Variants in ACAP2 observed in about 807,000 individuals in gnomAD.
ACAP2 encodes arf-GAP with coiled-coil, ANK repeat and PH domain-containing protein 2.
In ACAP2, 39 loss-of-function variants were observed where a neutral mutation model predicts 115.8. The ratio of observed to expected loss-of-function variants is 0.34; its 90% confidence interval spans 0.26 to 0.44. The LOEUF is 0.44. Among genes scored for constraint, ACAP2 ranks in the 20% least tolerant of loss-of-function variants. The pLI is 1.00. For missense variants in ACAP2, 662 were observed against 927.6 expected (o/e 0.71, Z 3.72); for synonymous variants, 289 against 315.8 (o/e 0.92, Z 0.90).
chr3:195,380,977 G>A (rs778758289), intron 4 of ACAP2, 32 bp downstream of exon 4: 1 of 1,535,860 alleles, frequency 6.5e-7, no homozygotes, highest in Admixed American at 2.1e-5. Context: ...ATGTTAATAT[G>A]GTCATAGTAA....
chr3:195,297,631 T>C (rs1727742715), intron 15 of ACAP2, among the ~76,000 whole-genome samples: 1 of 152,230 alleles, frequency 6.6e-6, no homozygotes, highest in African/African-American at 2.4e-5. Context: ...CAAAGCATTA[T>C]CTACACAGTA....
chr3:195,353,233 T>C (rs1036873302), intron 4 of ACAP2, among the ~76,000 whole-genome samples: 2 of 152,088 alleles, frequency 1.3e-5, no homozygotes, highest in East Asian at 3.9e-4. Context: ...ACTGAGGCAA[T>C]CTCATGAAAT....
intron 1 of ACAP2, among the ~76,000 whole-genome samples, chr3:195,433,474 T>C (rs1715296060): frequency 6.6e-6 from 1 of 152,196 alleles, no homozygotes; most frequent in Non-Finnish European, 1.5e-5. Flanking sequence ...TCTGGCTCTA[T>C]CCTCTGCTAC....
At chr3:195,358,419 A>G (rs1732131966) in intron 4 of ACAP2, among the ~76,000 whole-genome samples, 1 of 152,174 alleles carries the variant, frequency 6.6e-6, no homozygotes, top group African/African-American at 2.4e-5. Flanking sequence ...GGAGCAATGG[A>G]GATATGTGAC....
chr3:195,425,390 TA>T (rs1714609028), intron 1 of ACAP2, among the ~76,000 whole-genome samples: 2 of 152,200 alleles, frequency 1.3e-5, no homozygotes, highest in Admixed American at 6.5e-5. Flanking sequence ...AAAATTATAG[TA>T]TGTTATGTGA....
At chr3:195,307,160 A>T in intron 12 of ACAP2, 63 bp downstream of exon 12, 8 of 1,359,420 alleles carry the variant, frequency 5.9e-6, no homozygotes, top group Non-Finnish European at 8.3e-6. Flanking sequence ...CTACTCTGGA[A>T]AGTTATTTAA....
intron 1 of ACAP2, among the ~76,000 whole-genome samples, chr3:195,395,908 C>T (rs374422601): frequency 2.3e-4 from 35 of 152,278 alleles, no homozygotes; most frequent in East Asian, 1.7e-3. Context: ...TCTATTCATG[C>T]ATCATAGTTT....
intron 21 of ACAP2, among the ~76,000 whole-genome samples, chr3:195,286,431 T>C (rs889411540): frequency 2.0e-5 from 3 of 152,238 alleles, no homozygotes; most frequent in Admixed American, 6.5e-5. Context: ...GCAGATGACA[T>C]GTAGCACTAG....
intron 9 of ACAP2, among the ~76,000 whole-genome samples, chr3:195,325,023 A>G (rs1345103271): frequency 6.6e-6 from 1 of 152,192 alleles, no homozygotes; most frequent in African/African-American, 2.4e-5. Context: ...GATATAAGAT[A>G]AGGTGCTTAA....
At chr3:195,293,203 G>A (rs973823302) in intron 18 of ACAP2, among the ~76,000 whole-genome samples, 1 of 152,182 alleles carries the variant, frequency 6.6e-6, no homozygotes. Context: ...TTAAGAAGCA[G>A]CAAGAATCCA....
At chr3:195,332,697 T>C (rs2108628231) in intron 8 of ACAP2, among the ~76,000 whole-genome samples, 3 of 152,322 alleles carry the variant, frequency 2.0e-5, no homozygotes, top group Admixed American at 2.0e-4. Flanking sequence ...CCCATGCTGG[T>C]ACTCGTGATA....
chr3:195,327,900 T>C (rs1253493413), intron 8 of ACAP2, among the ~76,000 whole-genome samples: 1 of 151,890 alleles, frequency 6.6e-6, no homozygotes, highest in Non-Finnish European at 1.5e-5. Flanking sequence ...CACTGCACAT[T>C]AGCCAGGGTG....
At position 195,366,892 on chromosome 3, in the gene ACAP2, G is replaced by A. The variant is rs560621477; in HGVS notation, c.285+14117C>T. Among the ~76,000 whole-genome samples the A allele has an allele frequency of 3.7e-4, 56 of 152,128 alleles. 1 individual carries two copies. Among genetic ancestry groups the A allele is most frequent in the Non-Finnish European group, 6.3e-4 (43 of 68,006 alleles). On this transcript the variant is annotated intron_variant, in intron 4 of 22. Coordinates refer to ENST00000326793, the MANE Select transcript of ACAP2 (RefSeq NM_012287.6). ...CAACAGTCATCAGGACACTCTTTCCGCCAAGGGCTAGATATAATAAGCATT... is the reference window on the plus strand; with the variant it reads ...CAACAGTCATCAGGACACTCTTTCCACCAAGGGCTAGATATAATAAGCATT...
intron 1 of ACAP2, among the ~76,000 whole-genome samples, chr3:195,439,515 C>A (rs1168949145): frequency 1.3e-5 from 2 of 152,090 alleles, no homozygotes; most frequent in Non-Finnish European, 2.9e-5. Flanking sequence ...TGACAAAAAT[C>A]TTTCATAATT....
chr3:195,366,542 C>T (rs1057385794), intron 4 of ACAP2, among the ~76,000 whole-genome samples: 1 of 152,184 alleles, frequency 6.6e-6, no homozygotes, highest in Non-Finnish European at 1.5e-5. Context: ...AGAACCACCC[C>T]AGTCTTGTTA....
intron 1 of ACAP2, among the ~76,000 whole-genome samples, chr3:195,430,520 A>G (rs1715035755): frequency 6.6e-6 from 1 of 152,088 alleles, no homozygotes. Flanking sequence ...TCGAGACCAT[A>G]CCTGGCCAAC....
intron 9 of ACAP2, 104 bp from the exon 10 acceptor site, chr3:195,320,917 T>TTCA: frequency 1.5e-6 from 1 of 658,152 alleles, no homozygotes. Flanking sequence ...AGGTTTATAT[T>TTCA]AAGACAGTTA....
intron 4 of ACAP2, among the ~76,000 whole-genome samples, chr3:195,369,896 C>T (rs957572487): frequency 2.0e-5 from 3 of 152,254 alleles, no homozygotes; most frequent in Admixed American, 2.0e-4. Flanking sequence ...GCAAGCATTC[C>T]CTTTTCTCCA....
intron 1 of ACAP2, among the ~76,000 whole-genome samples, chr3:195,431,288 G>A (rs776859838): frequency 7.2e-5 from 11 of 151,918 alleles, no homozygotes; most frequent in Non-Finnish European, 1.3e-4. Context: ...ATCCATGTAC[G>A]GACACAGGTT....
Sources: allele counts gnomAD v4.1 joint callset (sites outside exome capture counted in the v4.1 genomes callset), GRCh38; gene constraint gnomAD v4.1.1; transcripts MANE v1.5; gene names NCBI Gene and HGNC (gene_info 2026-07-23, HGNC 2026-07-21).